Variants in FGF14 observed in about 807,000 individuals in gnomAD.
FGF14 encodes the protein fibroblast growth factor homologous factor 4.
In FGF14, 5 loss-of-function variants were observed where a neutral mutation model predicts 25.5. The observed-to-expected ratio is 0.20, with a 90% confidence interval of 0.10 to 0.41. The LOEUF is 0.41. FGF14 is among the 10% of genes least tolerant of loss of function. The pLI is 1.00. For synonymous variants in FGF14, 138 were observed against 118.3 expected (o/e 1.17, Z -1.08); for missense variants, 222 against 320.1 (o/e 0.69, Z 2.34).
chr13:101,885,833 G>C (rs1014825601), intron 1 of FGF14, among the ~76,000 whole-genome samples: 3 of 152,108 alleles, frequency 2.0e-5, no homozygotes, highest in Non-Finnish European at 4.4e-5. Context: ...ATGCCATGAG[G>C]AAACTGAAAG....
intron 3 of FGF14, among the ~76,000 whole-genome samples, chr13:101,845,498 A>T (rs986815002): frequency 1.3e-5 from 2 of 152,010 alleles, no homozygotes; most frequent in South Asian, 2.1e-4. Flanking sequence ...GCAGAAACTG[A>T]TTATGACTTG....
At chr13:102,226,946 C>A (rs1420242466) in intron 1 of FGF14, among the ~76,000 whole-genome samples, 1 of 152,016 alleles carries the variant, frequency 6.6e-6, no homozygotes, top group African/African-American at 2.4e-5. Flanking sequence ...TTAAACTTGA[C>A]ATCCTAGCCG....
chr13:102,232,065 T>C (rs1480269299), intron 1 of FGF14, among the ~76,000 whole-genome samples: 1 of 152,228 alleles, frequency 6.6e-6, no homozygotes, highest in Non-Finnish European at 1.5e-5. Context: ...TATTCCCACT[T>C]GTTTTGCTAA....
chr13:102,245,352 A>G (rs2051812188), intron 1 of FGF14, among the ~76,000 whole-genome samples: 1 of 152,114 alleles, frequency 6.6e-6, no homozygotes, highest in African/African-American at 2.4e-5. Context: ...ACAATTACTG[A>G]AATGTCTTTA....
intron 1 of FGF14, among the ~76,000 whole-genome samples, chr13:102,231,194 T>C (rs1490281754): frequency 3.3e-5 from 5 of 152,228 alleles, no homozygotes; most frequent in Non-Finnish European, 1.5e-5. Flanking sequence ...GGATCATTTT[T>C]TAAGTCCTGA....
At chr13:102,230,036 AAGGTGATGGTATT>A (rs1428611216) in intron 1 of FGF14, among the ~76,000 whole-genome samples, 1 of 152,128 alleles carries the variant, frequency 6.6e-6, no homozygotes, top group Non-Finnish European at 1.5e-5. Context: ...CCTCACCCCC[AAGGTGATGGTATT>A]AGGAGGTGGG....
At chr13:101,745,775 G>C (rs1309752813) in intron 3 of FGF14, among the ~76,000 whole-genome samples, 1 of 152,052 alleles carries the variant, frequency 6.6e-6, no homozygotes, top group African/African-American at 2.4e-5. Context: ...GAAGAATAAA[G>C]CTTATATGGA....
chr13:102,306,264 T>C (rs1397436362), intron 1 of FGF14, among the ~76,000 whole-genome samples: 1 of 152,166 alleles, frequency 6.6e-6, no homozygotes, highest in African/African-American at 2.4e-5. Context: ...TCTTATCTTC[T>C]ACCAGGCACT....
chr13:102,174,619 T>C (rs928430156), intron 1 of FGF14, among the ~76,000 whole-genome samples: 4 of 152,080 alleles, frequency 2.6e-5, no homozygotes, highest in African/African-American at 4.8e-5. Context: ...AAAGCACTGA[T>C]GAAAGAAATC....
intron 1 of FGF14, among the ~76,000 whole-genome samples, chr13:102,308,937 CA>C (rs906493502): frequency 5.2e-5 from 7 of 135,438 alleles, no homozygotes; most frequent in East Asian, 2.3e-4. Flanking sequence ...AAAAAAAACA[CA>C]AAAAAAACAG....
At chr13:101,868,891 T>A in intron 2 of FGF14, 63 bp from the exon 3 acceptor site, 2 of 1,034,782 alleles carry the variant, frequency 1.9e-6, no homozygotes, top group Admixed American at 3.4e-5. Context: ...GTGTAATTTT[T>A]TCTTTCTGAT....
chr13:102,280,453 A>C (rs1195134220), intron 1 of FGF14, among the ~76,000 whole-genome samples: 3 of 152,196 alleles, frequency 2.0e-5, no homozygotes, highest in Non-Finnish European at 2.9e-5. Context: ...TGGAGGGTGG[A>C]GAAGATATCA....
At chr13:102,099,173 T>C (rs191843516) in intron 1 of FGF14, among the ~76,000 whole-genome samples, 1 of 152,306 alleles carries the variant, frequency 6.6e-6, no homozygotes, top group Admixed American at 6.5e-5. Flanking sequence ...CATATTTATA[T>C]GGGCCTAAAA....
At chr13:101,919,654 C>A (rs1208165608), upstream of FGF14, among the ~76,000 whole-genome samples, 1 of 152,012 alleles carries the variant, frequency 6.6e-6, no homozygotes, top group African/African-American at 2.4e-5. Flanking sequence ...CCCAGCCCTA[C>A]CTCTCCCAGC....
At chr13:102,196,608 T>C (rs1165669292) in intron 1 of FGF14, among the ~76,000 whole-genome samples, 2 of 152,242 alleles carry the variant, frequency 1.3e-5, no homozygotes, top group Non-Finnish European at 2.9e-5. Context: ...GGTGATGTTT[T>C]GATATATGTT....
At chr13:101,899,087 G>A (rs1306959758) in intron 1 of FGF14, among the ~76,000 whole-genome samples, 2 of 152,050 alleles carry the variant, frequency 1.3e-5, no homozygotes, top group South Asian at 2.1e-4. Context: ...TAAACTATAC[G>A]TTAGCCAAAA....
rs537553747 is a variant in FGF14, at chr13:101,858,430, A to C, written c.408+10295T>G. On this transcript the variant is annotated intron_variant, in intron 3 of 4. Coordinates refer to ENST00000376143, the MANE Select transcript of FGF14 (RefSeq NM_004115.4). Reference sequence around the variant, plus strand: ...CATATGATATATTGGCTTCCTTGGCATTTACGTAATTTGTTGCCATTTTTG... The same window carrying C: ...CATATGATATATTGGCTTCCTTGGCCTTTACGTAATTTGTTGCCATTTTTG... Among the ~76,000 whole-genome samples the C allele has an allele frequency of 5.3e-5, 8 of 152,116 alleles. No individual in the cohort carries two copies. The South Asian group carries it at 1.7e-3, about 32-fold the overall frequency.
intron 1 of FGF14, among the ~76,000 whole-genome samples, chr13:102,166,942 G>C (rs2048038402): frequency 6.6e-6 from 1 of 152,048 alleles, no homozygotes; most frequent in Non-Finnish European, 1.5e-5. Context: ...TCAAGAATTG[G>C]CTGTTTGGGG....
intron 1 of FGF14, among the ~76,000 whole-genome samples, chr13:102,390,471 T>C (rs1006189919): frequency 6.6e-6 from 1 of 152,242 alleles, no homozygotes; most frequent in African/African-American, 2.4e-5. Flanking sequence ...TTCACAAGCA[T>C]TCTGTTCAAC....
Sources: gnomAD v4.1 joint callset for allele counts (sites outside exome capture counted in the v4.1 genomes callset) on GRCh38, gnomAD v4.1.1 for gene constraint, MANE v1.5 for transcripts, NCBI Gene and HGNC (gene_info 2026-07-23, HGNC 2026-07-21) for gene names.